The following ARPC2 variants were observed in gnomAD, a reference collection of about 807,000 sequenced individuals.
ARPC2 encodes the protein actin-related protein 2/3 complex subunit 2.
ARPC2 carries 4 observed loss-of-function variants against 38.6 expected under a neutral mutation model. The observed-to-expected ratio is 0.10, with a 90% CI of 0.05 to 0.24. The LOEUF is 0.24. ARPC2 is among the 10% of genes least tolerant of loss of function. The pLI, the probability that ARPC2 is intolerant of heterozygous loss-of-function variation, is 1.00. For missense variants in ARPC2, 229 were observed against 387.3 expected (o/e 0.59, Z 3.43); for synonymous variants, 125 against 140.8 (o/e 0.89, Z 0.79).
In ARPC2 at chr2:218,234,401, T is replaced by C; in HGVS notation, c.268+4T>C. The stretch of plus-strand genomic sequence containing the variant: ...TTCTTGGTAAATCCAGAATCAGGTA[T>C]GTAGTCATGTGAGCAACTATGGAAT... On this transcript the variant is annotated splice_donor_region_variant and intron_variant, in intron 5 of 10. Transcript: ENST00000315717. 1 of 1,598,988 alleles carries C rather than the reference T, an allele frequency of 6.3e-7. No individual in the cohort carries two copies. Among genetic ancestry groups the C allele is most frequent in the Non-Finnish European group, 8.6e-7 (1 of 1,168,356 alleles).
intron 5 of ARPC2, chr2:218,234,912 A>G (rs1046990852): frequency 2.2e-6 from 1 of 456,516 alleles, no homozygotes; most frequent in African/African-American, 2.0e-5. Flanking sequence ...GTCATCCTTG[A>G]ATAGAACAGC....
intron 8 of ARPC2, among the ~76,000 whole-genome samples, chr2:218,246,826 T>C (rs1292963207): frequency 6.6e-5 from 10 of 152,036 alleles, no homozygotes; most frequent in Non-Finnish European, 1.3e-4. Context: ...CAAAAATTAG[T>C]TGGACATGGT....
intron 9 of ARPC2, 141 bp from the exon 10 acceptor site, chr2:218,249,680 C>A: frequency 1.2e-6 from 1 of 857,664 alleles, no homozygotes; most frequent in Non-Finnish European, 1.8e-6. Context: ...GAATTGCTCA[C>A]CTTCCTGCTT....
intron 2 of ARPC2, among the ~76,000 whole-genome samples, chr2:218,223,886 A>G (rs138097403): frequency 1.3e-5 from 2 of 152,300 alleles, no homozygotes; most frequent in East Asian, 1.9e-4. Context: ...CAGAAGTAAA[A>G]TAACAAACGC....
rs1249594133 is a variant in ARPC2, at chr2:218,238,854, A to AGT, written c.455+5_455+6dup. ...ATTATAGGGATGATGAGACCATGTG[A>AGT]GTATAGAATTTGGTCCTGAAGCCTG... On this transcript the variant is annotated splice_donor_region_variant and intron_variant, in intron 6 of 10. Coordinates refer to ENST00000315717, the MANE Select transcript of ARPC2 (RefSeq NM_152862.3). 10 of 1,604,320 alleles carry AGT rather than the reference A, an allele frequency of 6.2e-6. No homozygotes were observed. The East Asian group carries it at 2.0e-4, about 32-fold the overall frequency.
At chr2:218,231,264 A>G (rs1689626874) in intron 4 of ARPC2, among the ~76,000 whole-genome samples, 2 of 152,194 alleles carry the variant, frequency 1.3e-5, no homozygotes, top group Admixed American at 6.5e-5. Context: ...AAAGTGAATC[A>G]TGGTTAAAAG....
intron 8 of ARPC2, among the ~76,000 whole-genome samples, chr2:218,248,551 C>A (rs538342285): frequency 6.6e-6 from 1 of 152,200 alleles, no homozygotes; most frequent in Non-Finnish European, 1.5e-5. Flanking sequence ...ACCTCCACCC[C>A]CCGGGTTTAA....
At chr2:218,240,488 T>C (rs755546267) in intron 7 of ARPC2, among the ~76,000 whole-genome samples, 2 of 152,188 alleles carry the variant, frequency 1.3e-5, no homozygotes, top group Non-Finnish European at 2.9e-5. Context: ...TAGCCAATTA[T>C]TTGGTAGTAG....
chr2:218,253,468 G>T (rs1222907861), intron 10 of ARPC2, among the ~76,000 whole-genome samples: 1 of 152,250 alleles, frequency 6.6e-6, no homozygotes, highest in African/African-American at 2.4e-5. Context: ...TTCATGGTGA[G>T]AGATAAAGGA....
rs113782675 is a variant in ARPC2 at position 218,239,552 on chromosome 2, T to C, written c.549+68T>C. 200 of 1,295,926 alleles carry C rather than the reference T, an allele frequency of 1.5e-4. 1 individual carries two copies. The African/African-American group carries it at 2.3e-3, about 15-fold the overall frequency. 80.3% of individuals were successfully genotyped at this position (1,295,926 alleles called of 1,614,324 possible). ...TATACCTTTGCACCCAAACATACCATGAGCGTAGGAAAGAGATCTAGCAAC... is the reference window on the plus strand; with the variant it reads ...TATACCTTTGCACCCAAACATACCACGAGCGTAGGAAAGAGATCTAGCAAC... On this transcript the variant is annotated intron_variant, in intron 7 of 10. Transcript: ENST00000315717.
chr2:218,245,372 C>G, intron 7 of ARPC2, 48 bp from the exon 8 acceptor site: 1 of 1,611,962 alleles, frequency 6.2e-7, no homozygotes, highest in Non-Finnish European at 8.5e-7. Flanking sequence ...AGTTGCCACT[C>G]ATCTTACACC....
chr2:218,248,784 G>A (rs897641812), intron 8 of ARPC2, among the ~76,000 whole-genome samples: 4 of 152,176 alleles, frequency 2.6e-5, no homozygotes, highest in African/African-American at 9.6e-5. Flanking sequence ...TTAGGTGGCT[G>A]GTGTCACAGG....
At chr2:218,253,089 C>T (rs1019026188) in intron 10 of ARPC2, 1 of 426,038 alleles carries the variant, frequency 2.3e-6, no homozygotes, top group African/African-American at 2.1e-5. Context: ...CTCGATGGGC[C>T]GCCCAGAATT....
rs1319520476 is a variant in ARPC2 at position 218,224,575 on chromosome 2, A to T, written c.75-1345A>T. 4.6e-5 allele frequency among the ~76,000 whole-genome samples: 7 copies of T among 152,222 alleles called. No individual in the cohort carries two copies. In the East Asian group the frequency reaches 1.3e-3, roughly 29 times the overall value. On this transcript the variant is annotated intron_variant, in intron 2 of 10. Transcript: ENST00000315717. ...TTTCCTGGCTACAGTTTCAAAATGAAGGCTCAGAAGCAATTTAAATTTTCA... is the reference window on the plus strand; with the variant it reads ...TTTCCTGGCTACAGTTTCAAAATGATGGCTCAGAAGCAATTTAAATTTTCA...
At position 218,217,482 on chromosome 2, in the gene ARPC2, G is replaced by A. The variant is rs372427817; in HGVS notation, c.12G>A (p.Leu4=). The change falls in exon 2 of 11, where the codon CTG becomes CTA. Residue 4 remains leucine, a synonymous_variant. Coordinates refer to ENST00000315717, the MANE Select transcript of ARPC2 (RefSeq NM_152862.3). ...GGGCAGCCGCCGCCATGATCCTGCT[G>A]GAGGTGAACAACCGCATCATCGAGG... MIL[L]EVNNRIIEET... 1.0e-4 allele frequency: 166 copies of A among 1,613,800 alleles called. No individual in the cohort carries two copies. The highest frequency in any genetic ancestry group is 5.8e-4 in the Admixed American group (35 of 59,998).
At chr2:218,240,040 C>T (rs759381522) in intron 7 of ARPC2, among the ~76,000 whole-genome samples, 2 of 152,048 alleles carry the variant, frequency 1.3e-5, no homozygotes, top group Non-Finnish European at 2.9e-5. Flanking sequence ...CTGCAACCTC[C>T]GCTTCCTGGG....
At chr2:218,249,749 T>C (rs760618286) in intron 9 of ARPC2, 72 bp from the exon 10 acceptor site, 37 of 1,441,640 alleles carry the variant, frequency 2.6e-5, no homozygotes, top group Non-Finnish European at 3.2e-5. Flanking sequence ...TGATGACCTC[T>C]CTGATGAAAG....
intron 7 of ARPC2, among the ~76,000 whole-genome samples, chr2:218,240,683 A>T (rs879563035): frequency 1.3e-5 from 2 of 152,016 alleles, no homozygotes; most frequent in Non-Finnish European, 2.9e-5. Context: ...CGAGGTCAAG[A>T]GGTCAAGACC....
intron 7 of ARPC2, among the ~76,000 whole-genome samples, chr2:218,244,331 G>C (rs1398371766): frequency 6.6e-6 from 1 of 152,178 alleles, no homozygotes; most frequent in Non-Finnish European, 1.5e-5. Flanking sequence ...GCCACTAATT[G>C]TCGAGAGGGC....
Sources: allele counts gnomAD v4.1 joint callset (sites outside exome capture counted in the v4.1 genomes callset), GRCh38; gene constraint gnomAD v4.1.1; transcripts MANE v1.5; gene names NCBI Gene and HGNC (gene_info 2026-07-23, HGNC 2026-07-21).